STK3: variants seen among roughly 807,000 people sequenced by gnomAD.
The protein encoded by STK3 is serine/threonine kinase 3, also known as serine/threonine-protein kinase 3.
In STK3, 41 loss-of-function variants were observed where a neutral mutation model predicts 58.0. The observed-to-expected ratio is 0.71, with a 90% CI of 0.55 to 0.92. The LOEUF is 0.92. Among genes scored for constraint, STK3 ranks in the 40% least tolerant of loss-of-function variants. STK3 has a pLI of 0.00. For missense variants in STK3, 479 were observed against 602.7 expected, an observed-to-expected ratio of 0.79 and a Z score of 2.15; for synonymous variants, 170 against 191.0, an observed-to-expected ratio of 0.89 and a Z score of 0.91.
chr8:98,404,418 C>T lies in STK3; in HGVS notation n.484-2905G>A, dbSNP rs11784322. 9.1e-4 allele frequency among the ~76,000 whole-genome samples: 139 copies of T among 152,164 alleles called. 1 individual carries two copies. The highest frequency in any genetic ancestry group is 1.5e-3 in the Non-Finnish European group (100 of 67,998). Reference sequence around the variant, plus strand: ...AGGTATGGCTGGGTGTGGTGGCTCACGCCTGTAACCCCAGCACTTTGGGAG... The same window carrying T: ...AGGTATGGCTGGGTGTGGTGGCTCATGCCTGTAACCCCAGCACTTTGGGAG... On this transcript the variant is annotated intron_variant and non_coding_transcript_variant, in intron 3 of 3. Transcript: ENST00000517832.
rs557121802 is a variant in STK3 at position 98,869,461 on chromosome 8, G to C, written c.110+14186C>G. 3.3e-5 allele frequency among the ~76,000 whole-genome samples: 5 copies of C among 152,180 alleles called. No homozygotes were observed. The South Asian group carries it at 1.0e-3, about 32-fold the overall frequency. ...AAAATAAAATAATAAAGAATCTCTA[G>C]ATGTAATCATCCTGAATAATATGGG... is the stretch of plus-strand genomic sequence containing the variant. On this transcript the variant is annotated intron_variant, in intron 3 of 12. Coordinates refer to the STK3 transcript ENST00000523601.
At chr8:98,434,299 C>T (rs531596173) in exon 3 of STK3, 1 of 152,424 alleles carries the variant, frequency 6.6e-6, no homozygotes, top group Non-Finnish European at 1.5e-5. Flanking sequence ...AGCTCAGCTC[C>T]TCCCCTTTAG....
At chr8:98,685,539 A>G (rs1473271516) in intron 6 of STK3, among the ~76,000 whole-genome samples, 3 of 152,076 alleles carry the variant, frequency 2.0e-5, no homozygotes, top group Admixed American at 1.3e-4. Flanking sequence ...CTTAATCCCC[A>G]GTTTAGGGTC....
intron 1 of STK3, among the ~76,000 whole-genome samples, chr8:98,387,221 T>C (rs921291067): frequency 2.0e-5 from 3 of 152,154 alleles, no homozygotes; most frequent in Non-Finnish European, 4.4e-5. Context: ...TTCAGTTACA[T>C]TGTTAATAAT....
At chr8:98,441,330 C>T (rs937446348) in intron 1 of STK3, among the ~76,000 whole-genome samples, 1 of 152,222 alleles carries the variant, frequency 6.6e-6, no homozygotes, top group African/African-American at 2.4e-5. Context: ...CTCAATATCA[C>T]TCAGAGATAT....
chr8:98,895,956 C>T (rs1838427977), intron 1 of STK3, among the ~76,000 whole-genome samples: 2 of 152,156 alleles, frequency 1.3e-5, no homozygotes, highest in African/African-American at 4.8e-5. Context: ...GCATAATTCT[C>T]TACCCTCGTA....
At chr8:98,402,591 G>C (rs377267970) in intron 3 of STK3, among the ~76,000 whole-genome samples, 3 of 152,196 alleles carry the variant, frequency 2.0e-5, no homozygotes, top group African/African-American at 7.2e-5. Context: ...GGGCCCTGCT[G>C]TCCTGGGAGT....
the STK3 span, among the ~76,000 whole-genome samples, chr8:98,363,778 C>G: frequency 6.6e-6 from 1 of 152,212 alleles, no homozygotes; most frequent in East Asian, 1.9e-4. Flanking sequence ...CCCTCCCTGA[C>G]TTGAGCAGTC....
chr8:98,640,796 T>C (rs1819959986), intron 6 of STK3, among the ~76,000 whole-genome samples: 1 of 151,552 alleles, frequency 6.6e-6, no homozygotes, highest in Non-Finnish European at 1.5e-5. Flanking sequence ...TTTATTCTAA[T>C]AAAGAAAACA....
At chr8:98,699,235 G>A (rs1226307805) in intron 6 of STK3, among the ~76,000 whole-genome samples, 71 of 152,042 alleles carry the variant, frequency 4.7e-4, no homozygotes, top group Admixed American at 1.4e-3. Context: ...GCACTTCTCT[G>A]TATTGGTTAT....
At chr8:98,714,769 T>C (rs1336043905) in intron 4 of STK3, among the ~76,000 whole-genome samples, 1 of 152,112 alleles carries the variant, frequency 6.6e-6, no homozygotes, top group African/African-American at 2.4e-5. Context: ...CTTCACAGAA[T>C]TGGAAAAAAC....
intron 4 of STK3, among the ~76,000 whole-genome samples, chr8:98,707,714 T>C (rs1826063702): frequency 6.6e-6 from 1 of 152,188 alleles, no homozygotes. Context: ...CACAAGTACT[T>C]CTTTCTAATG....
At chr8:98,371,240 TG>T (rs1817607441), downstream of STK3, 1 of 152,240 alleles carries the variant, frequency 6.6e-6, no homozygotes, top group South Asian at 2.1e-4. Context: ...AAGTGGTAAC[TG>T]GTTTATCCAT....
intron 6 of STK3, among the ~76,000 whole-genome samples, chr8:98,655,280 A>C (rs1224031941): frequency 2.0e-5 from 3 of 152,232 alleles, no homozygotes; most frequent in Non-Finnish European, 4.4e-5. Flanking sequence ...CTGGCTAGCG[A>C]CATGTAGAAA....
Position 98,455,251 on chromosome 8 carries a change from G to C in STK3, c.*591C>G, listed in dbSNP as rs906316918. ...TATAAAAAAGGCCTAGCCCATTTGA[G>C]AACTACTGCCATTATTGCTTTCCTA... On this transcript the variant is annotated 3_prime_UTR_variant, in exon 11 of 11. Coordinates refer to ENST00000419617, the MANE Select transcript of STK3 (RefSeq NM_006281.4). 5.3e-5 allele frequency: 8 copies of C among 152,360 alleles called. No homozygotes were observed. The highest frequency in any genetic ancestry group is 4.6e-4 in the Admixed American group (7 of 15,244). The allele number at this position is 152,360 out of a possible 1,614,324, so 9.4% of individuals were successfully genotyped here.
intron 3 of STK3, among the ~76,000 whole-genome samples, chr8:98,433,205 G>A (rs947465424): frequency 6.6e-6 from 1 of 152,084 alleles, no homozygotes; most frequent in East Asian, 1.9e-4. Context: ...CTGTATTCTT[G>A]TAACTCTTGT....
chr8:98,888,250 C>G (rs1239751764), intron 1 of STK3, among the ~76,000 whole-genome samples: 3 of 152,112 alleles, frequency 2.0e-5, no homozygotes, highest in Non-Finnish European at 4.4e-5. Flanking sequence ...ACCTGGGAGG[C>G]GGAGGATGCA....
chr8:98,905,148 G>T, intron 1 of STK3: 5 of 1,401,518 alleles, frequency 3.6e-6, no homozygotes, highest in South Asian at 1.2e-5. Flanking sequence ...GCACTCTTTG[G>T]ACCAGTGACC....
chr8:98,701,667 T>TACAC (rs35481305), intron 6 of STK3, among the ~76,000 whole-genome samples: 5,401 of 150,824 alleles, frequency 0.036, 131 homozygotes, highest in Non-Finnish European at 0.051. Context: ...CACATATATA[T>TACAC]ACACACACAC....
Sources: gnomAD v4.1 joint callset for allele counts (sites outside exome capture counted in the v4.1 genomes callset) on GRCh38, gnomAD v4.1.1 for gene constraint, MANE v1.5 for transcripts, NCBI Gene and HGNC (gene_info 2026-07-23, HGNC 2026-07-21) for gene names.